The following NFAM1 variants were observed in gnomAD, a reference collection of about 807,000 sequenced individuals.
NFAM1 encodes the protein NFAT activating protein with ITAM motif 1.
Under a neutral mutation model 29.0 loss-of-function variants are expected in NFAM1, and 17 were observed. The ratio of observed to expected loss-of-function variants is 0.59; its 90% confidence interval spans 0.40 to 0.88. The LOEUF (loss-of-function observed/expected upper bound fraction) is 0.88, where lower values mean the gene tolerates loss of function less well. Ranked by LOEUF, NFAM1 falls within the 40% of genes least tolerant of loss-of-function variation. The probability of loss-of-function intolerance (pLI) is 0.00; values close to 1 mark genes in which losing one functional copy is unlikely to be tolerated. For missense variants in NFAM1, 324 were observed against 344.6 expected, an observed-to-expected ratio of 0.94 and a Z score of 0.47; for synonymous variants, 175 against 147.2, an observed-to-expected ratio of 1.19 and a Z score of -1.36.
In NFAM1 at chr22:42,388,812, G is replaced by C. The variant is rs936682897; in HGVS notation, c.664-1734C>G. Among the ~76,000 whole-genome samples the C allele has an allele frequency of 2.0e-5, 3 of 152,222 alleles. No individual in the cohort carries two copies. The highest frequency in any genetic ancestry group is 2.9e-5 in the Non-Finnish European group (2 of 68,038). On this transcript the variant is annotated intron_variant, in intron 4 of 5. Coordinates refer to ENST00000329021, the MANE Select transcript of NFAM1 (RefSeq NM_145912.8). This position sits in a 1 kb window ranked among gnomAD's most constrained non-coding sequence, Gnocchi z 4.1. Reference sequence around the variant, plus strand: ...CAAGGGGTCTCTGAGCCAGAAACAGGCTGGGTCTGGGGAGAGGGGCTTCCA... The same window carrying C: ...CAAGGGGTCTCTGAGCCAGAAACAGCCTGGGTCTGGGGAGAGGGGCTTCCA...
intron 3 of NFAM1, among the ~76,000 whole-genome samples, chr22:42,407,573 G>A (rs78590666): frequency 0.028 from 4,279 of 151,766 alleles, 209 homozygotes; most frequent in African/African-American, 0.1. Flanking sequence ...GTTTCACCAC[G>A]GGGGTCAGGC....
intron 1 of NFAM1, among the ~76,000 whole-genome samples, chr22:42,413,078 G>A (rs1157614026): frequency 1.3e-5 from 2 of 152,176 alleles, no homozygotes; most frequent in Non-Finnish European, 1.5e-5. Flanking sequence ...CAGGCCCCTC[G>A]GCTTTAGCGC....
intron 4 of NFAM1, among the ~76,000 whole-genome samples, chr22:42,395,028 G>C (rs1044979475): frequency 3.9e-5 from 6 of 152,034 alleles, no homozygotes; most frequent in East Asian, 3.9e-4. Context: ...TAAAAAATTA[G>C]CCAAGTGCAG....
At chr22:42,394,921 C>T (rs979064411) in intron 4 of NFAM1, among the ~76,000 whole-genome samples, 1 of 152,030 alleles carries the variant, frequency 6.6e-6, no homozygotes, top group African/African-American at 2.4e-5. Flanking sequence ...AACTCAAAAC[C>T]AGCCTGGGCA....
upstream of NFAM1, among the ~76,000 whole-genome samples, chr22:42,432,874 T>C (rs1252642651): frequency 2.0e-5 from 3 of 152,104 alleles, no homozygotes; most frequent in Admixed American, 6.5e-5. Flanking sequence ...AGCCTCATGT[T>C]CCCAGCCCTA....
chr22:42,397,349 T>C (rs1320985977), intron 4 of NFAM1, among the ~76,000 whole-genome samples: 2 of 152,186 alleles, frequency 1.3e-5, no homozygotes, highest in African/African-American at 4.8e-5. Context: ...TCCCAACGCA[T>C]GTCTGCGCTG....
rs1312653482 is a variant in NFAM1 at position 42,411,472 on chromosome 22, T to A, written c.386A>T (p.Tyr129Phe). The change falls in exon 2 of 6, where the codon TAC becomes TTC. Residue 129 changes from tyrosine (Y) to phenylalanine (F), a missense_variant. Physicochemically the swap from Tyr to Phe is conservative, Grantham distance 22 (BLOSUM62 3). Coordinates refer to ENST00000329021, the MANE Select transcript of NFAM1 (RefSeq NM_145912.8). ...GTGTGGCCAGTGGACAGAGCAGTAGTAGGTGCCAGTGGCCGATGCTCCCGG... is the reference window on the plus strand; with the variant it reads ...GTGTGGCCAGTGGACAGAGCAGTAGAAGGTGCCAGTGGCCGATGCTCCCGG... ...VLPGASATGT[Y>F]YCSVHWPHST... 6.2e-7 allele frequency: 1 copy of A among 1,614,182 alleles called. No individual in the cohort carries two copies. Among genetic ancestry groups the A allele is most frequent in the Admixed American group, 1.7e-5 (1 of 60,016 alleles).
intron 1 of NFAM1, among the ~76,000 whole-genome samples, chr22:42,420,312 A>G (rs1355250752): frequency 6.6e-6 from 1 of 152,064 alleles, no homozygotes; most frequent in Non-Finnish European, 1.5e-5. Flanking sequence ...TCTCTACTCA[A>G]TAAATAAATA....
At chr22:42,411,849 A>G (rs1930106498) in intron 1 of NFAM1, 113 bp from the exon 2 acceptor site, 3 of 703,002 alleles carry the variant, frequency 4.3e-6, no homozygotes, top group South Asian at 1.7e-5. Context: ...TGTAATTCCA[A>G]CACTTTGGGA....
intron 4 of NFAM1, among the ~76,000 whole-genome samples, chr22:42,392,071 T>A (rs187400419): frequency 1.4e-4 from 21 of 152,048 alleles, no homozygotes; most frequent in Admixed American, 3.3e-4. Context: ...TTGGGAGTTG[T>A]CAGGATATAG....
At chr22:42,398,243 T>C (rs1366478674) in intron 3 of NFAM1, among the ~76,000 whole-genome samples, 1 of 152,138 alleles carries the variant, frequency 6.6e-6, no homozygotes, top group African/African-American at 2.4e-5. Context: ...CCAGTGCCAG[T>C]GGGGCAGGGC....
At chr22:42,389,780 T>C (rs1287729973) in intron 4 of NFAM1, among the ~76,000 whole-genome samples, 2 of 152,124 alleles carry the variant, frequency 1.3e-5, no homozygotes, top group Non-Finnish European at 2.9e-5. Flanking sequence ...GCAATGGTGC[T>C]GACCCCAGTG....
At chr22:42,415,294 CTTTTT>C (rs398037250) in intron 1 of NFAM1, among the ~76,000 whole-genome samples, 43 of 94,812 alleles carry the variant, frequency 4.5e-4, no homozygotes, top group African/African-American at 1.6e-3. Flanking sequence ...TTCTTTCTTT[CTTTTT>C]TTTTTTTTTT....
In NFAM1 at chr22:42,386,215, A is replaced by C. The variant is rs561800265; in HGVS notation, c.753+774T>G. 2.6e-5 allele frequency among the ~76,000 whole-genome samples: 4 copies of C among 151,948 alleles called. No homozygotes were observed. The South Asian group carries it at 8.3e-4, about 32-fold the overall frequency. ...TGGTGAAAACCTGTCTGTACTAAAA[A>C]CACAAAAAATTAGCTGGGCACAGGG... is the stretch of plus-strand genomic sequence containing the variant. On this transcript the variant is annotated intron_variant, in intron 5 of 5. Transcript: ENST00000329021.
At chr22:42,422,369 G>T (rs1457739508) in intron 1 of NFAM1, among the ~76,000 whole-genome samples, 2 of 152,168 alleles carry the variant, frequency 1.3e-5, no homozygotes, top group Non-Finnish European at 2.9e-5. Flanking sequence ...ACTTTGGGAA[G>T]CTGAGGCGGG....
In NFAM1 at chr22:42,385,212, C is replaced by T. The variant is rs747616859; in HGVS notation, c.762G>A (p.Pro254=). ...AKQSPLSQER[P]HRFEDDGELN... Reference sequence around the variant, plus strand: ...GTTCGCCATCATCTTCGAATCTATGCGGTCTCTCCTGGATAGAAAAGAAGA... The same window carrying T: ...GTTCGCCATCATCTTCGAATCTATGTGGTCTCTCCTGGATAGAAAAGAAGA... Residue 254 remains proline (P), a synonymous_variant, in exon 6 of 6, where the codon CCG becomes CCA. Coordinates refer to ENST00000329021, the MANE Select transcript of NFAM1 (RefSeq NM_145912.8). 1.4e-5 allele frequency: 23 copies of T among 1,607,536 alleles called. No homozygotes were observed. Among genetic ancestry groups the T allele is most frequent in the Middle Eastern group, 1.7e-4 (1 of 6,054 alleles).
At position 42,397,947 on chromosome 22, in the gene NFAM1, G is replaced by C; in HGVS notation, c.574C>G (p.Arg192Gly). 2 of 1,589,222 alleles carry C rather than the reference G, an allele frequency of 1.3e-6. No homozygotes were observed. Among genetic ancestry groups the C allele is most frequent in the Non-Finnish European group, 1.7e-6 (2 of 1,162,544 alleles). Residue 192 changes from arginine (R) to glycine (G), a missense_variant, in exon 4 of 6, where the codon CGG (arginine) becomes GGG (glycine). By Grantham distance (125) the Arg-to-Gly change is moderately radical. Coordinates refer to ENST00000329021, the MANE Select transcript of NFAM1 (RefSeq NM_145912.8). ...CTGGTGGGGTCCTTCCCTGGACCCC[G>C]CATCCGCTTCTGTAGGGAGAAAGGA... ...ALLLWNKKRMRGPGKDPTRKC... is the reference protein window; with the variant it reads ...ALLLWNKKRMGGPGKDPTRKC...
Position 42,387,093 on chromosome 22 carries a change from G to C in NFAM1, c.664-15C>G, listed in dbSNP as rs1929175215. On this transcript the variant is annotated splice_polypyrimidine_tract_variant and intron_variant, in intron 4 of 5. Coordinates refer to ENST00000329021, the MANE Select transcript of NFAM1 (RefSeq NM_145912.8). ...CGCTGCAGAGCCTACAGGAAACGGG[G>C]TGCCAGGATCAGGGGCAAGTGTGTA... 2 of 1,526,626 alleles carry C rather than the reference G, an allele frequency of 1.3e-6. No individual in the cohort carries two copies. Among genetic ancestry groups the C allele is most frequent in the Non-Finnish European group, 1.8e-6 (2 of 1,119,480 alleles). 94.6% of individuals were successfully genotyped at this position (1,526,626 alleles called of 1,614,324 possible).
At chr22:42,412,459 G>A (rs1313912808) in intron 1 of NFAM1, among the ~76,000 whole-genome samples, 2 of 152,228 alleles carry the variant, frequency 1.3e-5, no homozygotes, top group African/African-American at 4.8e-5. Context: ...AGATTCCTCA[G>A]CAGGTAGAGA....
Sources: gnomAD v4.1 joint callset for allele counts (sites outside exome capture counted in the v4.1 genomes callset) on GRCh38, gnomAD v4.1.1 for gene constraint, Gnocchi (gnomAD v3.1) non-coding constraint, MANE v1.5 for transcripts, NCBI Gene and HGNC (gene_info 2026-07-23, HGNC 2026-07-21) for gene names.